The following DENND5A variants were observed in gnomAD, a reference collection of about 807,000 sequenced individuals.
DENND5A encodes the protein DENN domain containing 5A, also known as DENN domain-containing protein 5A.
DENND5A carries 64 observed loss-of-function variants against 140.3 expected under a neutral mutation model. The observed-to-expected ratio is 0.46, with a 90% CI of 0.37 to 0.56. The LOEUF (loss-of-function observed/expected upper bound fraction) is 0.56, where lower values mean the gene tolerates loss of function less well. Among genes scored for constraint, DENND5A ranks in the 20% least tolerant of loss-of-function variants. DENND5A has a pLI of 0.00. For synonymous variants in DENND5A, 605 were observed against 607.7 expected (o/e 1.00, Z 0.07); for missense variants, 1,292 against 1,593.8 (o/e 0.81, Z 3.22).
At chr11:9,250,247 C>T (rs560112400) in intron 1 of DENND5A, among the ~76,000 whole-genome samples, 1 of 149,366 alleles carries the variant, frequency 6.7e-6, no homozygotes, top group South Asian at 2.1e-4. Context: ...AGGCAAAAAG[C>T]ATAAAACATC....
In DENND5A at chr11:9,144,226, G is replaced by C; in HGVS notation, c.3175C>G (p.Arg1059Gly). ...GTGAGCAGCTCCCCAACTAGGATCC[G>C]CTCCAGGCTTCCATCATCCATGCCC... is the stretch of plus-strand genomic sequence containing the variant. The part of the protein sequence containing the change: ...GKGMDDGSLE[R>G]ILVGELLTSQ... The change falls in exon 19 of 23, where the codon CGG (arginine) becomes GGG (glycine). Residue 1059 changes from arginine (R) to glycine (G), a missense_variant. Transcript: ENST00000328194. The C allele has an allele frequency of 6.2e-7, 1 of 1,614,102 alleles. No homozygotes were observed.
rs143659909 is a variant in DENND5A, at chr11:9,254,964, G to A, written c.109+9997C>T. 8.0e-3 allele frequency among the ~76,000 whole-genome samples: 1,214 copies of A among 151,966 alleles called. 7 individuals carry two copies. The highest frequency in any genetic ancestry group is 0.027 in the Middle Eastern group (8 of 294). On this transcript the variant is annotated intron_variant, in intron 1 of 22. Transcript: ENST00000328194. ...CAGATGCATGTAATCCCAGCTACTCGGGAGGCTGAGGCATGAGAATCGCTT... is the reference window on the plus strand; with the variant it reads ...CAGATGCATGTAATCCCAGCTACTCAGGAGGCTGAGGCATGAGAATCGCTT...
intron 12 of DENND5A, among the ~76,000 whole-genome samples, chr11:9,157,387 A>C (rs1847844903): frequency 6.6e-6 from 1 of 152,088 alleles, no homozygotes; most frequent in African/African-American, 2.4e-5. Flanking sequence ...ATATAGGTAA[A>C]CTGCGTATCA....
In DENND5A at chr11:9,147,018, A is replaced by T; in HGVS notation, c.2857+12T>A. ...CCTTGAGAAGGCCAGCTGGGAGCAC[A>T]GGGCTACTCACGGATAGTTGTGAAG... On this transcript the variant is annotated intron_variant, in intron 16 of 22. Coordinates refer to ENST00000328194, the MANE Select transcript of DENND5A (RefSeq NM_015213.4). 1 of 1,614,120 alleles carries T rather than the reference A, an allele frequency of 6.2e-7. No homozygotes were observed. Among genetic ancestry groups the T allele is most frequent in the East Asian group, 2.2e-5 (1 of 44,878 alleles).
chr11:9,202,865 T>C (rs955164577), intron 4 of DENND5A, among the ~76,000 whole-genome samples: 2 of 152,226 alleles, frequency 1.3e-5, no homozygotes, highest in Non-Finnish European at 2.9e-5. Context: ...AACCACCCTA[T>C]TACAAACTGG....
intron 1 of DENND5A, among the ~76,000 whole-genome samples, chr11:9,257,081 G>A (rs1449375213): frequency 6.6e-6 from 1 of 151,994 alleles, no homozygotes; most frequent in Non-Finnish European, 1.5e-5. Flanking sequence ...CGCCATCTCG[G>A]CTCACTGCAA....
rs115062609 is a variant in DENND5A, at chr11:9,222,839, C to T, written c.110-15207G>A. On this transcript the variant is annotated intron_variant, in intron 1 of 22. Transcript: ENST00000328194. ...GTGCTTTCCATGCTGAAATTCAACG[C>T]TGCCTGCAGTGGAGCAATAAGCTGC... Among the ~76,000 whole-genome samples the T allele has an allele frequency of 6.0e-3, 909 of 152,326 alleles. 12 individuals are homozygous for T. The highest frequency in any genetic ancestry group is 0.021 in the African/African-American group (856 of 41,562).
At chr11:9,187,838 T>C (rs1360018730) in intron 5 of DENND5A, among the ~76,000 whole-genome samples, 1 of 152,148 alleles carries the variant, frequency 6.6e-6, no homozygotes, top group African/African-American at 2.4e-5. Context: ...AGCTCATGTG[T>C]TGGTGCAAAA....
chr11:9,146,099 G>A (rs1225701584), intron 16 of DENND5A, among the ~76,000 whole-genome samples: 2 of 152,160 alleles, frequency 1.3e-5, no homozygotes, highest in East Asian at 1.9e-4. Flanking sequence ...GAACCTGTTC[G>A]TTAAACAATA....
At chr11:9,181,614 T>G (rs556923408) in intron 5 of DENND5A, among the ~76,000 whole-genome samples, 1 of 152,054 alleles carries the variant, frequency 6.6e-6, no homozygotes, top group South Asian at 2.1e-4. Context: ...GGCATGCACC[T>G]ACAGTCCCAG....
intron 11 of DENND5A, among the ~76,000 whole-genome samples, chr11:9,162,850 T>C (rs1198138498): frequency 1.4e-5 from 2 of 142,398 alleles, no homozygotes; most frequent in Non-Finnish European, 3.0e-5. Flanking sequence ...TAGGCATGCA[T>C]GTTTCTTTTG....
At chr11:9,223,890 T>C (rs556813160) in intron 1 of DENND5A, among the ~76,000 whole-genome samples, 7 of 152,314 alleles carry the variant, frequency 4.6e-5, no homozygotes, top group African/African-American at 1.7e-4. Flanking sequence ...GCCCTGACCA[T>C]TTAAAAATAA....
intron 12 of DENND5A, among the ~76,000 whole-genome samples, chr11:9,157,658 TG>T (rs1191323647): frequency 6.6e-6 from 1 of 152,252 alleles, no homozygotes; most frequent in Non-Finnish European, 1.5e-5. Flanking sequence ...ACAAAGGCCA[TG>T]ATCTAGTTCT....
chr11:9,252,723 T>C (rs1564943078), intron 1 of DENND5A, among the ~76,000 whole-genome samples: 1 of 152,142 alleles, frequency 6.6e-6, no homozygotes, highest in Non-Finnish European at 1.5e-5. Context: ...TCACTGGACA[T>C]TAGGCCATCT....
At chr11:9,217,577 G>A (rs532195238) in intron 1 of DENND5A, among the ~76,000 whole-genome samples, 1 of 152,258 alleles carries the variant, frequency 6.6e-6, no homozygotes, top group East Asian at 1.9e-4. Flanking sequence ...AAGTAGATTA[G>A]TGTTTACCTG....
intron 10 of DENND5A, among the ~76,000 whole-genome samples, chr11:9,166,572 G>A (rs1048838174): frequency 6.6e-5 from 10 of 152,152 alleles, no homozygotes; most frequent in African/African-American, 1.7e-4. Flanking sequence ...AGTGGCTCAC[G>A]CCTGTAATCC....
intron 8 of DENND5A, 54 bp from the exon 9 acceptor site, chr11:9,170,831 C>G (rs1373134440): frequency 6.3e-7 from 1 of 1,589,598 alleles, no homozygotes; most frequent in South Asian, 1.1e-5. Flanking sequence ...AATACACACA[C>G]AAATAAATCA....
chr11:9,150,193 C>T lies in DENND5A; in HGVS notation c.2623G>A (p.Gly875Arg), dbSNP rs1243650698. ...TTTCCCACATCAGTCTTGATTTCCC[C>T]GATGTTCTGGATGTGCCTGGAGGAA... ...IQDMRHIQNI[G>R]EIKTDVGKAR... The change falls in exon 15 of 23, where the codon GGG becomes AGG. Residue 875 changes from glycine to arginine, a missense_variant. This residue lies in a region of DENND5A where 498 missense variants were observed against 689.7 expected (regional missense o/e 0.72). Coordinates refer to ENST00000328194, the MANE Select transcript of DENND5A (RefSeq NM_015213.4). 9.3e-6 allele frequency: 15 copies of T among 1,613,622 alleles called. No individual in the cohort carries two copies. The highest frequency in any genetic ancestry group is 2.2e-5 in the East Asian group (1 of 44,858).
At chr11:9,154,069 G>C (rs1193903234) in intron 12 of DENND5A, among the ~76,000 whole-genome samples, 1 of 152,178 alleles carries the variant, frequency 6.6e-6, no homozygotes. Flanking sequence ...GTTTTAGTAA[G>C]ATTACAATAA....
Sources: gnomAD v4.1 joint callset for allele counts (sites outside exome capture counted in the v4.1 genomes callset) on GRCh38, gnomAD v4.1.1 for gene constraint, gnomAD v4.1.1 regional missense constraint, MANE v1.5 for transcripts, NCBI Gene and HGNC (gene_info 2026-07-23, HGNC 2026-07-21) for gene names.